Variants in SLC4A7 observed in about 807,000 individuals in gnomAD.
SLC4A7 encodes the protein sodium bicarbonate cotransporter 3.
A neutral mutation model predicts 137.6 loss-of-function variants in SLC4A7; 51 were observed. The ratio of observed to expected loss-of-function variants is 0.37; its 90% confidence interval spans 0.30 to 0.47. The LOEUF (loss-of-function observed/expected upper bound fraction) is 0.47. Among genes scored for constraint, SLC4A7 ranks in the 20% least tolerant of loss-of-function variants. The probability of loss-of-function intolerance (pLI) is 1.00; values close to 1 mark genes in which losing one functional copy is unlikely to be tolerated. For missense variants in SLC4A7, 1,247 were observed against 1,525.4 expected, an observed-to-expected ratio of 0.82 and a Z score of 3.04; for synonymous variants, 542 against 518.6, an observed-to-expected ratio of 1.05 and a Z score of -0.61.
chr3:27,395,894 G>C (rs34316374), intron 18 of SLC4A7, among the ~76,000 whole-genome samples: 27,640 of 152,074 alleles, frequency 0.18, 2,925 homozygotes, highest in Non-Finnish European at 0.25. Flanking sequence ...TAGTGATTTT[G>C]ACAGGGTCAG....
At chr3:27,398,569 C>T (rs1322562165) in intron 16 of SLC4A7, among the ~76,000 whole-genome samples, 5 of 152,138 alleles carry the variant, frequency 3.3e-5, no homozygotes, top group South Asian at 2.1e-4. Flanking sequence ...TTGAAAAATA[C>T]GTGCATCTCA....
chr3:27,449,873 G>A (rs902503866), intron 2 of SLC4A7, among the ~76,000 whole-genome samples: 1 of 152,176 alleles, frequency 6.6e-6, no homozygotes, highest in Non-Finnish European at 1.5e-5. Flanking sequence ...CAGAAAATAA[G>A]TATTTCAAGA....
intron 4 of SLC4A7, among the ~76,000 whole-genome samples, chr3:27,437,074 G>A (rs1364166712): frequency 6.6e-6 from 1 of 152,126 alleles, no homozygotes; most frequent in Non-Finnish European, 1.5e-5. Flanking sequence ...ACTTAGGCCG[G>A]GAACGGTGGC....
Position 27,484,306 on chromosome 3 carries a change from C to T in SLC4A7, c.-180G>A. 1 of 378,166 alleles carries T rather than the reference C, an allele frequency of 2.6e-6. No individual in the cohort carries two copies. 23.4% of individuals were successfully genotyped at this position (378,166 alleles called of 1,614,324 possible). A position where few individuals can be genotyped will look rare whatever the true frequency, so the allele number is the denominator to read the frequency against. Reference sequence around the variant, plus strand: ...GGCGCCGGGCGCGGGAGACGCGGGGCGTGCGTGTGCGCGCTGCGACTGCTG... The same window carrying T: ...GGCGCCGGGCGCGGGAGACGCGGGGTGTGCGTGTGCGCGCTGCGACTGCTG... On this transcript the variant is annotated 5_prime_UTR_variant, in exon 1 of 26. Coordinates refer to ENST00000454389, the MANE Select transcript of SLC4A7 (RefSeq NM_001321103.2).
rs565900358 is a variant in SLC4A7 at position 27,415,620 on chromosome 3, A to G, written c.1659+2866T>C. Among the ~76,000 whole-genome samples the G allele has an allele frequency of 9.8e-5, 15 of 152,362 alleles. No homozygotes were observed. In the East Asian group the frequency reaches 2.9e-3, roughly 29 times the overall value. On this transcript the variant is annotated intron_variant, in intron 11 of 25. Coordinates refer to ENST00000454389, the MANE Select transcript of SLC4A7 (RefSeq NM_001321103.2). The stretch of plus-strand genomic sequence containing the variant: ...ACTCATCTGCTGCCTCCTGGATGGC[A>G]GAAGCTGCTTCTCCAGTTATTTTGA...
intron 25 of SLC4A7, among the ~76,000 whole-genome samples, chr3:27,377,913 CTA>C (rs2050054852): frequency 6.6e-6 from 1 of 152,140 alleles, no homozygotes; most frequent in Admixed American, 6.5e-5. Context: ...CTCTTTCTTC[CTA>C]TGTGATTTTG....
chr3:27,416,206 G>A (rs1392219303), intron 11 of SLC4A7, among the ~76,000 whole-genome samples: 1 of 152,174 alleles, frequency 6.6e-6, no homozygotes, highest in East Asian at 1.9e-4. Flanking sequence ...CTGATGTGGA[G>A]ACGATGAGCA....
chr3:27,478,403 A>G (rs1393760518), intron 1 of SLC4A7, among the ~76,000 whole-genome samples: 1 of 150,650 alleles, frequency 6.6e-6, no homozygotes, highest in Non-Finnish European at 1.5e-5. Flanking sequence ...CTGTAATTCC[A>G]TCTACCTGGG....
At chr3:27,407,300 T>C (rs2053468935) in intron 13 of SLC4A7, among the ~76,000 whole-genome samples, 1 of 151,724 alleles carries the variant, frequency 6.6e-6, no homozygotes, top group South Asian at 2.1e-4. Context: ...ACCAACATGA[T>C]GAAACCCTGT....
rs567578768 is a variant in SLC4A7 at position 27,484,276 on chromosome 3, A to AGCCGGGC, written c.-157_-151dup. The AGCCGGGC allele has an allele frequency of 9.6e-4, 527 of 548,038 alleles. 3 individuals carry two copies. Among genetic ancestry groups the AGCCGGGC allele is most frequent in the Middle Eastern group, 7.4e-3 (13 of 1,754 alleles). The allele number at this position is 548,038 out of a possible 1,614,324, so 33.9% of individuals were successfully genotyped here. Reference sequence around the variant, plus strand: ...GCGCGAGGTGTGCGCGCGTGGGGAGAGCCGGGCGCCGGGCGCGGGAGACGC... The same window carrying AGCCGGGC: ...GCGCGAGGTGTGCGCGCGTGGGGAGAGCCGGGCGCCGGGCGCCGGGCGCGGGAGACGC... On this transcript the variant is annotated 5_prime_UTR_variant, in exon 1 of 26. Transcript: ENST00000454389.
rs747447062 is a variant in SLC4A7, at chr3:27,431,345, A to G, written c.1103T>C (p.Leu368Pro). Residue 368 changes from leucine (L) to proline (P), a missense_variant, in exon 7 of 26, where the codon CTG becomes CCG. Leu to Pro is a moderately conservative substitution (Grantham distance 98). Transcript: ENST00000454389. ...HPPEEDLEAA[L>P]KGEEQKNEEN... ...CTCATTCTTCTGCTCCTCGCCTTTC[A>G]GCGCTGCTTCTAAGTCTTCCTCAGG... 3 of 1,610,668 alleles carry G rather than the reference A, an allele frequency of 1.9e-6. No homozygotes were observed. The highest frequency in any genetic ancestry group is 1.1e-5 in the South Asian group (1 of 90,502).
At chr3:27,440,055 C>A (rs2057065527) in intron 3 of SLC4A7, among the ~76,000 whole-genome samples, 1 of 152,118 alleles carries the variant, frequency 6.6e-6, no homozygotes, top group Admixed American at 6.5e-5. Flanking sequence ...AAGTTTTAAA[C>A]CAACCTTATG....
intron 1 of SLC4A7, chr3:27,456,814 T>C (rs2058439798): frequency 4.1e-6 from 6 of 1,454,394 alleles, no homozygotes; most frequent in Non-Finnish European, 5.4e-6. Context: ...GTTACTTTTA[T>C]GGTACAGCCA....
At chr3:27,383,131 A>C in intron 24 of SLC4A7, 22 bp downstream of exon 24, 1 of 1,415,118 alleles carries the variant, frequency 7.1e-7, no homozygotes, top group Non-Finnish European at 9.9e-7. Context: ...TAAAAGTTTT[A>C]GAGCATAAAG....
intron 1 of SLC4A7, among the ~76,000 whole-genome samples, chr3:27,470,082 T>A (rs2059172325): frequency 6.6e-6 from 1 of 152,232 alleles, no homozygotes; most frequent in African/African-American, 2.4e-5. Flanking sequence ...TTATAAAATC[T>A]AGTAATTGGC....
intron 1 of SLC4A7, among the ~76,000 whole-genome samples, chr3:27,467,721 C>T (rs988479282): frequency 2.0e-5 from 3 of 152,080 alleles, no homozygotes; most frequent in Non-Finnish European, 4.4e-5. Context: ...TATTTAACAC[C>T]ACTAAAATTT....
chr3:27,430,961 G>T (rs1415739608), intron 7 of SLC4A7, among the ~76,000 whole-genome samples: 1 of 152,106 alleles, frequency 6.6e-6, no homozygotes, highest in Non-Finnish European at 1.5e-5. Flanking sequence ...TTTTAAAAGG[G>T]CTTAAATTAT....
chr3:27,403,264 T>G lies in SLC4A7; in HGVS notation c.2196A>C (p.Thr732=), dbSNP rs755392122. The G allele has an allele frequency of 6.2e-7, 1 of 1,613,926 alleles. No individual in the cohort carries two copies. Among genetic ancestry groups the G allele is most frequent in the Non-Finnish European group, 8.5e-7 (1 of 1,179,982 alleles). ...SSLVCYITRF[T]EEAFAALICI... ...AAATAAGGGCTGCAAAAGCCTCTTCTGTAAATCGAGTAATATAACACACAA... is the reference window on the plus strand; with the variant it reads ...AAATAAGGGCTGCAAAAGCCTCTTCGGTAAATCGAGTAATATAACACACAA... The change falls in exon 15 of 26, where the codon ACA becomes ACC. Residue 732 remains threonine (T), a synonymous_variant. Coordinates refer to ENST00000454389, the MANE Select transcript of SLC4A7 (RefSeq NM_001321103.2).
In SLC4A7 at chr3:27,403,304, G is replaced by T; in HGVS notation, c.2156C>A (p.Thr719Lys). 1.2e-6 allele frequency: 2 copies of T among 1,613,834 alleles called. No homozygotes were observed. Among genetic ancestry groups the T allele is most frequent in the South Asian group, 2.2e-5 (2 of 91,070 alleles). Residue 719 changes from threonine (T) to lysine (K), a missense_variant, in exon 15 of 26, where the codon ACA (threonine) becomes AAA (lysine). Physicochemically the swap from Thr to Lys is moderately conservative, Grantham distance 78. Around this residue, in one of 6 missense-constraint regions of SLC4A7, gnomAD observed 499 missense variants for 664.2 expected, o/e 0.75. Coordinates refer to ENST00000454389, the MANE Select transcript of SLC4A7 (RefSeq NM_001321103.2). ...ATAACACACAAGGCTGCTTGCATCT[G>T]TTGCAACCAAAACAATGCACAAAAA... Reference protein sequence around the residue: ...TSFLCIVLVATDASSLVCYIT... With the variant: ...TSFLCIVLVAKDASSLVCYIT...
Sources: gnomAD v4.1 joint callset for allele counts (sites outside exome capture counted in the v4.1 genomes callset) on GRCh38, gnomAD v4.1.1 for gene constraint, gnomAD v4.1.1 regional missense constraint, MANE v1.5 for transcripts, NCBI Gene and HGNC (gene_info 2026-07-23, HGNC 2026-07-21) for gene names.